The following TARBP1 variants were observed in gnomAD, a reference collection of about 807,000 sequenced individuals.
The protein encoded by TARBP1 is tRNA guanosine 2 -O-methyltransferase TARBP1.
A neutral mutation model predicts 178.6 loss-of-function variants in TARBP1; 144 were observed. That is an observed-to-expected ratio of 0.81 (90% CI 0.70 to 0.93). The LOEUF is 0.93. Among genes scored for constraint, TARBP1 ranks in the 40% least tolerant of loss-of-function variants. TARBP1 has a pLI of 0.00. For missense variants in TARBP1, 2,067 were observed against 2,011.7 expected (o/e 1.03, Z -0.53); for synonymous variants, 787 against 781.0 (o/e 1.01, Z -0.13).
chr1:234,466,495 G>C (rs1455526482), intron 4 of TARBP1, among the ~76,000 whole-genome samples: 5 of 152,120 alleles, frequency 3.3e-5, no homozygotes, highest in African/African-American at 1.2e-4. Context: ...CTCGGCAACA[G>C]AGTGAGACTC....
At chr1:234,471,295 T>G in intron 2 of TARBP1, 38 bp from the exon 3 acceptor site, 1 of 1,366,858 alleles carries the variant, frequency 7.3e-7, no homozygotes, top group Non-Finnish European at 1.0e-6. Flanking sequence ...GAAATGAAAA[T>G]GCATCTTGAA....
intron 3 of TARBP1, among the ~76,000 whole-genome samples, chr1:234,469,362 A>G (rs1668821178): frequency 6.6e-6 from 1 of 152,054 alleles, no homozygotes; most frequent in South Asian, 2.1e-4. Flanking sequence ...GGCAATGGTA[A>G]TTTTTCAAAA....
At chr1:234,425,530 G>A (rs1439178050) in intron 20 of TARBP1, 143 bp downstream of exon 20, 10 of 922,762 alleles carry the variant, frequency 1.1e-5, no homozygotes, top group Non-Finnish European at 1.5e-5. Context: ...CCCTAATCAA[G>A]ACTGAATTAA....
intron 20 of TARBP1, among the ~76,000 whole-genome samples, chr1:234,423,338 CT>C (rs1419478111): frequency 6.6e-6 from 1 of 152,172 alleles, no homozygotes; most frequent in Non-Finnish European, 1.5e-5. Context: ...TTTTCCCTCT[CT>C]ACTGCACCAC....
chr1:234,471,125 T>TA (rs1159177923), intron 3 of TARBP1, 63 bp downstream of exon 3: 2 of 1,209,932 alleles, frequency 1.7e-6, no homozygotes, highest in African/African-American at 3.1e-5. Flanking sequence ...GAACAGGAAT[T>TA]AGTTACAAAA....
chr1:234,400,862 T>C, intron 25 of TARBP1: 1 of 194,924 alleles, frequency 5.1e-6, no homozygotes, highest in South Asian at 1.0e-4. Flanking sequence ...CCTGCACAAA[T>C]GTTCTCACTC....
Position 234,401,255 on chromosome 1 carries a change from T to C in TARBP1, c.3997A>G (p.Lys1333Glu), listed in dbSNP as rs767400674. ...VESMHGAGNA[K>E]KNWQRIQEHF... ...TCCTGAATGCGTTGCCAATTCTTCTTGGCATTCCTAAGGATTAAAAATATG... is the reference window on the plus strand; with the variant it reads ...TCCTGAATGCGTTGCCAATTCTTCTCGGCATTCCTAAGGATTAAAAATATG... Residue 1333 changes from lysine to glutamate, a missense_variant, in exon 25 of 30, where the codon AAG (lysine) becomes GAG (glutamate). Lys to Glu is a moderately conservative substitution (Grantham distance 56). Transcript: ENST00000040877. 3 of 1,612,696 alleles carry C rather than the reference T, an allele frequency of 1.9e-6. No homozygotes were observed. In the South Asian group the frequency reaches 3.3e-5, roughly 18 times the overall value.
chr1:234,405,904 C>T lies in TARBP1; in HGVS notation c.3988G>A (p.Gly1330Arg). The change falls in exon 24 of 30, where the codon GGG (glycine) becomes AGG (arginine). Residue 1330 changes from glycine to arginine, a missense_variant and splice_region_variant. By Grantham distance (125) the Gly-to-Arg change is moderately radical (BLOSUM62 -2). Transcript: ENST00000040877. Reference sequence around the variant, plus strand: ...ATGAGGTTGACGAGGGCTCCTTACCCTGCTCCGTGCATGCTTTCCACTTGA... The same window carrying T: ...ATGAGGTTGACGAGGGCTCCTTACCTTGCTCCGTGCATGCTTTCCACTTGA... The part of the protein sequence containing the change: ...LHQVESMHGA[G>R]NAKKNWQRIQ... 1 of 1,613,404 alleles carries T rather than the reference C, an allele frequency of 6.2e-7. No individual in the cohort carries two copies. Among genetic ancestry groups the T allele is most frequent in the Non-Finnish European group, 8.5e-7 (1 of 1,179,598 alleles).
chr1:234,394,053 T>C (rs1659674076), intron 26 of TARBP1, among the ~76,000 whole-genome samples: 1 of 152,216 alleles, frequency 6.6e-6, no homozygotes, highest in Non-Finnish European at 1.5e-5. Flanking sequence ...TCAGCTTTAT[T>C]AACCAACATA....
intron 23 of TARBP1, chr1:234,406,346 CCG>C: frequency 2.0e-6 from 1 of 494,128 alleles, no homozygotes. Context: ...ACATTTCCCC[CCG>C]CCCCCCATAC....
At chr1:234,455,845 A>C (rs73103940) in intron 9 of TARBP1, among the ~76,000 whole-genome samples, 2,222 of 152,298 alleles carry the variant, frequency 0.015, 53 homozygotes, top group African/African-American at 0.05. Flanking sequence ...AATCAAGTAA[A>C]AAAGAAAAAA....
At chr1:234,437,912 C>T (rs1265737023) in intron 12 of TARBP1, among the ~76,000 whole-genome samples, 2 of 152,194 alleles carry the variant, frequency 1.3e-5, no homozygotes, top group Non-Finnish European at 2.9e-5. Context: ...TGTTTATGAA[C>T]TCCTGGGCTC....
chr1:234,419,816 CT>C (rs1205948525), intron 21 of TARBP1, among the ~76,000 whole-genome samples: 3 of 151,984 alleles, frequency 2.0e-5, no homozygotes, highest in African/African-American at 7.3e-5. Context: ...AGAAGCAATT[CT>C]TTTAGCTATT....
At chr1:234,415,317 A>T (rs917457795) in intron 22 of TARBP1, among the ~76,000 whole-genome samples, 1 of 152,202 alleles carries the variant, frequency 6.6e-6, no homozygotes, top group African/African-American at 2.4e-5. Flanking sequence ...AAAAGGAAGA[A>T]ATCTCAGATG....
chr1:234,457,548 C>T (rs1667410589), intron 9 of TARBP1, 119 bp downstream of exon 9: 1 of 627,372 alleles, frequency 1.6e-6, no homozygotes, highest in East Asian at 3.6e-5. Context: ...ATTTCAAAGT[C>T]TCTGCTGACA....
At chr1:234,394,611 C>T (rs983621963) in intron 26 of TARBP1, among the ~76,000 whole-genome samples, 2 of 152,194 alleles carry the variant, frequency 1.3e-5, no homozygotes, top group Non-Finnish European at 2.9e-5. Context: ...AAGGGTAAGA[C>T]CCCGGAAGGC....
In TARBP1 at chr1:234,401,247, ATTC is replaced by A. The variant is rs765515083; in HGVS notation, c.4002_4004del (p.Lys1334del). On this transcript the variant is annotated inframe_deletion, in exon 25 of 30. Coordinates refer to ENST00000040877, the MANE Select transcript of TARBP1 (RefSeq NM_005646.4). ...AGAAATGCTCCTGAATGCGTTGCCA[ATTC>A]TTCTTGGCATTCCTAAGGATTAAAA... The A allele has an allele frequency of 6.2e-7, 1 of 1,613,150 alleles. No homozygotes were observed. Among genetic ancestry groups the A allele is most frequent in the East Asian group, 2.2e-5 (1 of 44,790 alleles).
At chr1:234,411,406 T>G (rs1410900567) in intron 22 of TARBP1, among the ~76,000 whole-genome samples, 1 of 152,150 alleles carries the variant, frequency 6.6e-6, no homozygotes, top group Non-Finnish European at 1.5e-5. Context: ...TACCAAGGGT[T>G]GATTATCTGT....
chr1:234,459,198 T>C (rs1667593567), intron 8 of TARBP1, 32 bp downstream of exon 8: 3 of 1,564,004 alleles, frequency 1.9e-6, no homozygotes, highest in Non-Finnish European at 2.6e-6. Context: ...TAAGAAAGAC[T>C]TGTAAATGGA....
Sources: allele counts gnomAD v4.1 joint callset (sites outside exome capture counted in the v4.1 genomes callset), GRCh38; gene constraint gnomAD v4.1.1; transcripts MANE v1.5; gene names NCBI Gene and HGNC (gene_info 2026-07-23, HGNC 2026-07-21).